The following CCDC186 variants were observed in gnomAD, a reference collection of about 807,000 sequenced individuals.
The protein encoded by CCDC186 is coiled-coil domain-containing protein 186.
Under a neutral mutation model 113.7 loss-of-function variants are expected in CCDC186, and 49 were observed. The ratio of observed to expected loss-of-function variants is 0.43; its 90% confidence interval spans 0.34 to 0.55. The LOEUF (loss-of-function observed/expected upper bound fraction) is 0.55. Among genes scored for constraint, CCDC186 ranks in the 20% least tolerant of loss-of-function variants. CCDC186 has a pLI of 0.02. For missense variants in CCDC186, 890 were observed against 1,011.1 expected, an observed-to-expected ratio of 0.88 and a Z score of 1.62; for synonymous variants, 355 against 345.8, an observed-to-expected ratio of 1.03 and a Z score of -0.30.
chr10:114,165,681 C>A (rs913402391), intron 1 of CCDC186, among the ~76,000 whole-genome samples: 2 of 151,958 alleles, frequency 1.3e-5, no homozygotes, highest in African/African-American at 4.8e-5. Flanking sequence ...CGGAGCGAGA[C>A]TCTGTCTCAA....
Position 114,163,123 on chromosome 10 carries a change from G to A in CCDC186, c.146C>T (p.Thr49Ile). ...ENESKLLSLN[T>I]DKTLCQPNEH... ...ATTAGGTTGACATAAAGTTTTATCA[G>A]TGTTTAATGACAATAGTTTGGACTC... The change falls in exon 2 of 16, where the codon ACT (threonine) becomes ATT (isoleucine). Residue 49 changes from threonine (T) to isoleucine (I), a missense_variant. Thr to Ile is a moderately conservative substitution (Grantham distance 89, BLOSUM62 -1). Transcript: ENST00000369287. The A allele has an allele frequency of 6.2e-7, 1 of 1,613,944 alleles. No individual in the cohort carries two copies. Among genetic ancestry groups the A allele is most frequent in the Non-Finnish European group, 8.5e-7 (1 of 1,179,944 alleles).
At chr10:114,127,065 G>A (rs963853257) in intron 14 of CCDC186, among the ~76,000 whole-genome samples, 3 of 151,964 alleles carry the variant, frequency 2.0e-5, no homozygotes, top group East Asian at 1.9e-4. Context: ...CAGGCACAGC[G>A]CCTTGTACTA....
intron 2 of CCDC186, chr10:114,161,490 A>G (rs2032166251): frequency 6.6e-6 from 1 of 152,144 alleles, no homozygotes; most frequent in South Asian, 2.1e-4. Flanking sequence ...AGATCTCAGT[A>G]AAGTGGGAAG....
At position 114,151,157 on chromosome 10, in the gene CCDC186, G is replaced by C; in HGVS notation, c.823C>G (p.Gln275Glu). The C allele has an allele frequency of 6.2e-7, 1 of 1,612,594 alleles. No homozygotes were observed. Among genetic ancestry groups the C allele is most frequent in the Non-Finnish European group, 8.5e-7 (1 of 1,178,844 alleles). The stretch of plus-strand genomic sequence containing the variant: ...ACTGCATTTTTAGCTGTAACGTCTT[G>C]AGCTATTAGTTGATCTCTGGAAGCT... ...VKASRDQLIA[Q>E]DVTAKNAVQQ... The change falls in exon 4 of 16, where the codon CAA (glutamine) becomes GAA (glutamate). Residue 275 changes from glutamine to glutamate, a missense_variant. By Grantham distance (29) the Gln-to-Glu change is conservative. Coordinates refer to ENST00000369287, the MANE Select transcript of CCDC186 (RefSeq NM_018017.4).
Position 114,165,848 on chromosome 10 carries a change from T to C in CCDC186, c.-61-2519A>G, listed in dbSNP as rs1474143704. 20 of 228,844 alleles carry C rather than the reference T, an allele frequency of 8.7e-5. 1 individual carries two copies. The highest frequency in any genetic ancestry group is 1.0e-4 in the Non-Finnish European group (20 of 196,050). 14.2% of individuals were successfully genotyped at this position (228,844 alleles called of 1,614,324 possible). A position where few individuals can be genotyped will look rare whatever the true frequency, so the allele number is the denominator to read the frequency against. On this transcript the variant is annotated intron_variant, in intron 1 of 15. Transcript: ENST00000369287. ...GGGCAACAGAGCGAGACACTTTGTCTCAAAAAAAAAAAAAGTAAGGAGAGG... is the reference window on the plus strand; with the variant it reads ...GGGCAACAGAGCGAGACACTTTGTCCCAAAAAAAAAAAAAGTAAGGAGAGG...
intron 6 of CCDC186, among the ~76,000 whole-genome samples, chr10:114,140,181 A>C (rs760564517): frequency 6.6e-6 from 1 of 152,258 alleles, no homozygotes; most frequent in Non-Finnish European, 1.5e-5. Flanking sequence ...AGTGCTAAGG[A>C]ATAAAAATAA....
chr10:114,136,021 A>C, intron 8 of CCDC186, 44 bp from the exon 9 acceptor site: 2 of 1,556,486 alleles, frequency 1.3e-6, no homozygotes, highest in Non-Finnish European at 1.8e-6. Context: ...AATGTGCTAA[A>C]CTATATCTAA....
At position 114,124,403 on chromosome 10, in the gene CCDC186, TA is replaced by T. The variant is rs1340832137; in HGVS notation, c.*739del. The T allele has an allele frequency of 3.9e-5, 6 of 152,278 alleles. No homozygotes were observed. Among genetic ancestry groups the T allele is most frequent in the African/African-American group, 1.2e-4 (5 of 41,562 alleles). 9.4% of individuals were successfully genotyped at this position (152,278 alleles called of 1,614,324 possible). A position where few individuals can be genotyped will look rare whatever the true frequency, so the allele number is the denominator to read the frequency against. ...TAATGATTGGATCCATTTCACAATT[TA>T]AAATATAAGTAAACACAGGAATTTT... On this transcript the variant is annotated 3_prime_UTR_variant, in exon 16 of 16. Transcript: ENST00000369287.
Position 114,134,970 on chromosome 10 carries a change from A to T in CCDC186, c.1598T>A (p.Ile533Asn), listed in dbSNP as rs2031208520. The change falls in exon 10 of 16, where the codon ATT becomes AAT. Residue 533 changes from isoleucine (I) to asparagine (N), a missense_variant. Coordinates refer to ENST00000369287, the MANE Select transcript of CCDC186 (RefSeq NM_018017.4). ...TTTCACCTTGTCCAATAAATTCTGA[A>T]TTTCAGCTTTTTGGCGATTAATAAT... is the stretch of plus-strand genomic sequence containing the variant. The part of the protein sequence containing the change: ...KEIINRQKAE[I>N]QNLLDKVKTA... 6.2e-7 allele frequency: 1 copy of T among 1,612,700 alleles called. No individual in the cohort carries two copies. The highest frequency in any genetic ancestry group is 8.5e-7 in the Non-Finnish European group (1 of 1,179,580).
intron 4 of CCDC186, among the ~76,000 whole-genome samples, chr10:114,148,244 T>C (rs987562885): frequency 3.9e-5 from 6 of 152,192 alleles, no homozygotes; most frequent in Non-Finnish European, 7.3e-5. Flanking sequence ...AGGAATAACC[T>C]GGGGTGCTTG....
At chr10:114,140,895 T>C (rs2031446726) in intron 6 of CCDC186, among the ~76,000 whole-genome samples, 1 of 150,968 alleles carries the variant, frequency 6.6e-6, no homozygotes, top group Admixed American at 6.6e-5. Context: ...ATGTCATTTC[T>C]GAATCTTTTT....
intron 4 of CCDC186, among the ~76,000 whole-genome samples, chr10:114,149,786 C>CAGGA (rs879496767): frequency 0.087 from 4,172 of 48,138 alleles, 177 homozygotes; most frequent in Middle Eastern, 0.16. Context: ...GGCAGGAAGG[C>CAGGA]AGGAAGGAAG....
Position 114,139,504 on chromosome 10 carries a change from A to C in CCDC186, c.1222-2214T>G, listed in dbSNP as rs566497146. ...CTTGACCCTGGGAGGCAGAGGTTGC[A>C]GTGAGCCAAGATCGCACCACTGCAC... On this transcript the variant is annotated intron_variant, in intron 6 of 15. Coordinates refer to ENST00000369287, the MANE Select transcript of CCDC186 (RefSeq NM_018017.4). Among the ~76,000 whole-genome samples the C allele has an allele frequency of 1.8e-4, 28 of 151,722 alleles. No individual in the cohort carries two copies. In the South Asian group the frequency reaches 5.8e-3, roughly 32 times the overall value.
chr10:114,167,581 C>T (rs777862828), intron 1 of CCDC186, among the ~76,000 whole-genome samples: 8 of 151,668 alleles, frequency 5.3e-5, no homozygotes, highest in East Asian at 1.9e-4. Context: ...AAAGGGGAGC[C>T]GTCATCGAGG....
chr10:114,159,321 C>A (rs1447586605), intron 2 of CCDC186, among the ~76,000 whole-genome samples: 3 of 152,036 alleles, frequency 2.0e-5, no homozygotes, highest in Non-Finnish European at 2.9e-5. Context: ...GCAGTAAACA[C>A]TCAATTTGTT....
At position 114,136,279 on chromosome 10, in the gene CCDC186, T is replaced by G. The variant is rs2031258745; in HGVS notation, c.1327-33A>C. ...AAAGAAAACAAAAAAAGTGTGACAATTTTTAACCCATTTCCCGTTTGCCCT... is the reference window on the plus strand; with the variant it reads ...AAAGAAAACAAAAAAAGTGTGACAAGTTTTAACCCATTTCCCGTTTGCCCT... On this transcript the variant is annotated intron_variant, in intron 7 of 15. Transcript: ENST00000369287. The G allele has an allele frequency of 4.0e-6, 6 of 1,514,062 alleles. No individual in the cohort carries two copies. The East Asian group carries it at 1.4e-4, about 34-fold the overall frequency. 93.8% of individuals were successfully genotyped at this position (1,514,062 alleles called of 1,614,324 possible). A position where few individuals can be genotyped will look rare whatever the true frequency, so the allele number is the denominator to read the frequency against.
chr10:114,170,865 C>T (rs1274744078), intron 1 of CCDC186, among the ~76,000 whole-genome samples: 1 of 151,986 alleles, frequency 6.6e-6, no homozygotes, highest in African/African-American at 2.4e-5. Context: ...GCAAGACCCC[C>T]CCACCCTCCA....
At chr10:114,147,632 A>G (rs1441533520) in intron 4 of CCDC186, among the ~76,000 whole-genome samples, 1 of 152,212 alleles carries the variant, frequency 6.6e-6, no homozygotes, top group Non-Finnish European at 1.5e-5. Context: ...TCAAAGGAAG[A>G]AGAATTTCTG....
intron 11 of CCDC186, 86 bp downstream of exon 11, chr10:114,131,843 T>A (rs1404777733): frequency 1.7e-6 from 2 of 1,210,950 alleles, no homozygotes; most frequent in Admixed American, 6.3e-5. Context: ...AAGAACTTAA[T>A]TCAACTACTA....
Sources: allele counts gnomAD v4.1 joint callset (sites outside exome capture counted in the v4.1 genomes callset), GRCh38; gene constraint gnomAD v4.1.1; transcripts MANE v1.5; gene names NCBI Gene and HGNC (gene_info 2026-07-23, HGNC 2026-07-21).